Variants in LTA4H observed in about 807,000 individuals in gnomAD.
LTA4H encodes the protein leukotriene A-4 hydrolase.
In LTA4H, 59 loss-of-function variants were observed where a neutral mutation model predicts 89.8. The observed-to-expected ratio is 0.66, with a 90% CI of 0.53 to 0.82. LTA4H has a LOEUF of 0.82. Ranked by LOEUF, LTA4H falls within the 40% of genes least tolerant of loss-of-function variation. The pLI is 0.00. For synonymous variants in LTA4H, 227 were observed against 253.1 expected (o/e 0.90, Z 0.98); for missense variants, 617 against 727.0 (o/e 0.85, Z 1.74).
intron 18 of LTA4H, 74 bp from the exon 19 acceptor site, chr12:96,001,180 G>T: frequency 1.1e-6 from 1 of 890,432 alleles, no homozygotes; most frequent in Non-Finnish European, 1.9e-6. Context: ...AGGGAGAGAA[G>T]AAAGAAAGGA....
At chr12:96,009,372 C>T (rs1189901816) in intron 14 of LTA4H, 1 of 519,384 alleles carries the variant, frequency 1.9e-6, no homozygotes, top group Non-Finnish European at 3.4e-6. Flanking sequence ...ACCCATCTAT[C>T]TTTTAGAAAG....
At chr12:96,013,708 A>C in intron 13 of LTA4H, 42 bp downstream of exon 13, 1 of 991,948 alleles carries the variant, frequency 1.0e-6, no homozygotes, top group Non-Finnish European at 1.6e-6. Flanking sequence ...ATAAATAGAG[A>C]TATATCGAGC....
chr12:96,023,463 AC>A (rs1474337018), intron 4 of LTA4H, among the ~76,000 whole-genome samples: 1 of 151,924 alleles, frequency 6.6e-6, no homozygotes, highest in Admixed American at 6.6e-5. Flanking sequence ...TGATCTTCCC[AC>A]CTCAGCCTCC....
chr12:96,020,093 A>G (rs761596241), intron 6 of LTA4H, among the ~76,000 whole-genome samples: 30 of 151,880 alleles, frequency 2.0e-4, no homozygotes, highest in South Asian at 6.2e-4. Context: ...TTGTAGAGAC[A>G]TGATCTCACT....
intron 1 of LTA4H, among the ~76,000 whole-genome samples, chr12:96,029,602 G>A (rs768905929): frequency 1.5e-4 from 23 of 152,002 alleles, no homozygotes; most frequent in Non-Finnish European, 2.8e-4. Flanking sequence ...CTTCATGTTC[G>A]TTAAGCAAAT....
intron 10 of LTA4H, among the ~76,000 whole-genome samples, chr12:96,016,035 C>T (rs769078339): frequency 3.3e-5 from 5 of 152,098 alleles, no homozygotes; most frequent in South Asian, 2.1e-4. Flanking sequence ...CCTTGTTGGC[C>T]GGGCATGGTG....
chr12:96,034,800 T>A (rs1357435516), intron 1 of LTA4H, among the ~76,000 whole-genome samples: 1 of 152,056 alleles, frequency 6.6e-6, no homozygotes, highest in Non-Finnish European at 1.5e-5. Flanking sequence ...ACCTGTGGAT[T>A]GAAATAAGTG....
rs747441533 is a variant in LTA4H, at chr12:96,035,552, C to A, written c.-33G>T. 4 of 1,566,428 alleles carry A rather than the reference C, an allele frequency of 2.6e-6. No individual in the cohort carries two copies. Among genetic ancestry groups the A allele is most frequent in the Non-Finnish European group, 3.5e-6 (4 of 1,150,586 alleles). On this transcript the variant is annotated 5_prime_UTR_variant, in exon 1 of 19. Coordinates refer to ENST00000228740, the MANE Select transcript of LTA4H (RefSeq NM_000895.3). ...GGGGATCACACAGCACAGCGACCTA[C>A]AGCCCAACGCTCAGCTACCAGACTC...
In LTA4H at chr12:96,014,962, A is replaced by G; in HGVS notation, c.1097T>C (p.Leu366Pro). 6.2e-7 allele frequency: 1 copy of G among 1,613,250 alleles called. No homozygotes were observed. The highest frequency in any genetic ancestry group is 1.1e-5 in the South Asian group (1 of 90,784). Residue 366 changes from leucine to proline, a missense_variant, in exon 12 of 19, where the codon CTT (leucine) becomes CCT (proline). Physicochemically the swap from Leu to Pro is moderately conservative, Grantham distance 98. Around this residue, in one of 3 missense-constraint regions of LTA4H, gnomAD observed 290 missense variants for 339.1 expected, o/e 0.86. Coordinates refer to ENST00000228740, the MANE Select transcript of LTA4H (RefSeq NM_000895.3). ...GTCTATATCTGTCAGATCAACCACA[A>G]GTTTGGTGAAAGGATGTGTCTCCCC... ...TFGETHPFTK[L>P]VVDLTDIDPD...
chr12:96,001,155 G>C (rs1565998853), intron 18 of LTA4H, 49 bp from the exon 19 acceptor site: 4 of 1,185,012 alleles, frequency 3.4e-6, no homozygotes, highest in Non-Finnish European at 5.1e-6. Flanking sequence ...GAAGGAGACA[G>C]AGGAGGAGAA....
chr12:96,014,020 G>C (rs1010321599), intron 12 of LTA4H, 167 bp from the exon 13 acceptor site: 2 of 519,644 alleles, frequency 3.8e-6, no homozygotes, highest in Middle Eastern at 3.5e-4. Flanking sequence ...AAGGAGGTGG[G>C]ACTTAAGTTG....
chr12:96,041,577 A>G (rs1298725162), intron 1 of LTA4H, among the ~76,000 whole-genome samples: 1 of 152,196 alleles, frequency 6.6e-6, no homozygotes, highest in African/African-American at 2.4e-5. Context: ...AAAAAAAGAA[A>G]TGTGTATCCC....
intron 3 of LTA4H, among the ~76,000 whole-genome samples, chr12:96,025,904 A>G (rs1006597974): frequency 6.6e-6 from 1 of 152,124 alleles, no homozygotes; most frequent in Non-Finnish European, 1.5e-5. Context: ...GCTGGTGAAC[A>G]ATGAAATGAA....
chr12:96,004,591 G>A (rs1950167850), intron 16 of LTA4H, among the ~76,000 whole-genome samples: 1 of 152,156 alleles, frequency 6.6e-6, no homozygotes, highest in African/African-American at 2.4e-5. Context: ...GTTCAGTTTG[G>A]ACAAGCAGAG....
intron 4 of LTA4H, among the ~76,000 whole-genome samples, chr12:96,023,421 G>A (rs2268516): frequency 0.13 from 19,458 of 151,996 alleles, 1,553 homozygotes; most frequent in East Asian, 0.3. Context: ...TCGCTATGTC[G>A]CCCAGGCTGG....
At chr12:96,016,656 T>C (rs531335790) in intron 10 of LTA4H, among the ~76,000 whole-genome samples, 1 of 150,230 alleles carries the variant, frequency 6.7e-6, no homozygotes, top group Non-Finnish European at 1.5e-5. Flanking sequence ...ATCCTAGCAC[T>C]TTGGGAGGCC....
intron 16 of LTA4H, among the ~76,000 whole-genome samples, chr12:96,004,488 A>G (rs555298310): frequency 2.6e-5 from 4 of 152,286 alleles, no homozygotes; most frequent in African/African-American, 9.6e-5. Context: ...AAACTTCTGT[A>G]TACAATTTCA....
chr12:96,021,157 G>C lies in LTA4H; in HGVS notation c.586-20C>G. ...TGGAACCTAAAGAGGGCAAACAAACGCACACCACGTGCTTGCATTAGTGTT... is the reference window on the plus strand; with the variant it reads ...TGGAACCTAAAGAGGGCAAACAAACCCACACCACGTGCTTGCATTAGTGTT... On this transcript the variant is annotated intron_variant, in intron 5 of 18. Coordinates refer to ENST00000228740, the MANE Select transcript of LTA4H (RefSeq NM_000895.3). 6.4e-7 allele frequency: 1 copy of C among 1,573,568 alleles called. No homozygotes were observed. The highest frequency in any genetic ancestry group is 1.2e-5 in the South Asian group (1 of 84,292).
intron 18 of LTA4H, 138 bp downstream of exon 18, chr12:96,002,822 G>A: frequency 4.9e-6 from 3 of 611,494 alleles, no homozygotes; most frequent in Middle Eastern, 4.0e-4. Context: ...ATTTATAAGT[G>A]TGAATCCCTA....
Sources: allele counts gnomAD v4.1 joint callset (sites outside exome capture counted in the v4.1 genomes callset), GRCh38; gene constraint gnomAD v4.1.1; regional missense constraint gnomAD v4.1.1; transcripts MANE v1.5; gene names NCBI Gene and HGNC (gene_info 2026-07-23, HGNC 2026-07-21).